Variants in CA13 observed in about 807,000 individuals in gnomAD.
CA13 encodes the protein CA-XIII.
In CA13, 21 loss-of-function variants were observed where a neutral mutation model predicts 31.5. The observed-to-expected ratio is 0.67, with a 90% CI of 0.47 to 0.96. CA13 has a LOEUF of 0.96. Ranked by LOEUF, CA13 falls within the 40% of genes least tolerant of loss-of-function variation. The pLI is 0.00. For synonymous variants in CA13, 117 were observed against 111.4 expected, an observed-to-expected ratio of 1.05 and a Z score of -0.32; for missense variants, 315 against 318.9, an observed-to-expected ratio of 0.99 and a Z score of 0.09.
intron 2 of CA13, among the ~76,000 whole-genome samples, chr8:85,253,003 T>C (rs754922728): frequency 1.3e-4 from 19 of 151,774 alleles, no homozygotes; most frequent in Non-Finnish European, 2.4e-4. Flanking sequence ...TGGAGTGCAA[T>C]GGCACAGTCT....
At chr8:85,261,362 A>G (rs1415401466) in intron 3 of CA13, among the ~76,000 whole-genome samples, 2 of 152,186 alleles carry the variant, frequency 1.3e-5, no homozygotes, top group African/African-American at 4.8e-5. Flanking sequence ...AATCAGAAGC[A>G]TCTTGGAATT....
At chr8:85,258,759 C>CAA (rs33933991) in intron 2 of CA13, among the ~76,000 whole-genome samples, 23,300 of 43,512 alleles carry the variant, frequency 0.54, 8,533 homozygotes, top group Non-Finnish European at 0.61. Context: ...CCTGTCTCTA[C>CAA]AAAAAAAAAA....
chr8:85,264,465 T>C (rs1807428839), intron 3 of CA13, among the ~76,000 whole-genome samples: 1 of 152,164 alleles, frequency 6.6e-6, no homozygotes, highest in African/African-American at 2.4e-5. Context: ...AATTAAAATA[T>C]AAATGCTAAT....
At position 85,245,597 on chromosome 8, in the gene CA13, AAG is replaced by A; in HGVS notation, c.-226_-225del. The A allele has an allele frequency of 1.8e-6, 1 of 565,606 alleles. No homozygotes were observed. The highest frequency in any genetic ancestry group is 2.1e-5 in the South Asian group (1 of 48,480). The allele number at this position is 565,606 out of a possible 1,614,324, so 35.0% of individuals were successfully genotyped here. On this transcript the variant is annotated 5_prime_UTR_variant, in exon 1 of 7. Transcript: ENST00000321764. ...AATCTCTCATTCCCGAGTCCAAACT[AAG>A]AGAGACTCGCGCCCCAGGAGTCAGC... is the stretch of plus-strand genomic sequence containing the variant.
In CA13 at chr8:85,245,819, C is replaced by T. The variant is rs771516314; in HGVS notation, c.-10C>T. 1.2e-6 allele frequency: 2 copies of T among 1,614,122 alleles called. No individual in the cohort carries two copies. The highest frequency in any genetic ancestry group is 1.1e-5 in the South Asian group (1 of 91,082). ...GTCACATCTTTCTCTTCCTTCCACC[C>T]CGAGGGACCATGTCGAGGCTCAGCT... On this transcript the variant is annotated 5_prime_UTR_variant, in exon 1 of 7. Transcript: ENST00000321764.
rs370885820 is a variant in CA13, at chr8:85,250,642, G to A, written c.38-98G>A. ...AGAATCTCATTTTATTAATCTTTGC[G>A]TTTTCTTCAATTTCAAGCACAGTGT... On this transcript the variant is annotated intron_variant, in intron 1 of 6. Transcript: ENST00000321764. The A allele has an allele frequency of 3.2e-4, 231 of 731,064 alleles. 2 individuals are homozygous for A. The highest frequency in any genetic ancestry group is 3.0e-3 in the Middle Eastern group (9 of 3,016). 45.3% of individuals were successfully genotyped at this position (731,064 alleles called of 1,614,324 possible).
chr8:85,276,577 T>A (rs1439504759), intron 6 of CA13, among the ~76,000 whole-genome samples: 2 of 152,210 alleles, frequency 1.3e-5, no homozygotes, highest in East Asian at 3.9e-4. Context: ...AGCTCAAGGT[T>A]TGTAAACACA....
chr8:85,276,735 G>A (rs538945452), intron 6 of CA13, among the ~76,000 whole-genome samples: 1 of 152,152 alleles, frequency 6.6e-6, no homozygotes, highest in Admixed American at 6.5e-5. Flanking sequence ...CTAGCTCAAG[G>A]TTTGTAAACA....
intron 6 of CA13, among the ~76,000 whole-genome samples, chr8:85,272,351 G>A (rs1382738830): frequency 6.6e-6 from 1 of 152,008 alleles, no homozygotes; most frequent in African/African-American, 2.4e-5. Context: ...TGCCTCCCAG[G>A]TTCAAGTGAT....
intron 3 of CA13, among the ~76,000 whole-genome samples, chr8:85,265,441 T>C (rs1290482920): frequency 6.6e-6 from 1 of 152,246 alleles, no homozygotes; most frequent in Non-Finnish European, 1.5e-5. Context: ...CTTGCAATGG[T>C]AAAACATTTA....
At chr8:85,257,717 A>C (rs1564001217) in intron 2 of CA13, among the ~76,000 whole-genome samples, 1 of 149,920 alleles carries the variant, frequency 6.7e-6, no homozygotes, top group East Asian at 1.9e-4. Flanking sequence ...AAAAAAAAAA[A>C]CAAAAACGAA....
intron 2 of CA13, among the ~76,000 whole-genome samples, chr8:85,253,211 C>T (rs1359673739): frequency 2.6e-5 from 4 of 152,092 alleles, no homozygotes; most frequent in East Asian, 1.9e-4. Flanking sequence ...TCCCAAAGTG[C>T]TGGGATTACA....
At chr8:85,280,936 A>T (rs1807694508) in intron 6 of CA13, among the ~76,000 whole-genome samples, 1 of 152,224 alleles carries the variant, frequency 6.6e-6, no homozygotes, top group Non-Finnish European at 1.5e-5. Context: ...ATTGAAAAAC[A>T]TTCTCTGATT....
In CA13 at chr8:85,267,329, G is replaced by A. The variant is rs1296718332; in HGVS notation, c.451-573G>A. ...TTGGACACCAAGTAGGGGTGGTTGC[G>A]GCAGGATCCGGGTGCTTTAAAACCT... On this transcript the variant is annotated intron_variant, in intron 4 of 6. Coordinates refer to ENST00000321764, the MANE Select transcript of CA13 (RefSeq NM_198584.3). 14 of 985,026 alleles carry A rather than the reference G, an allele frequency of 1.4e-5. No individual in the cohort carries two copies. In the East Asian group the frequency reaches 6.8e-4, roughly 48 times the overall value. 61.0% of individuals were successfully genotyped at this position (985,026 alleles called of 1,614,324 possible). A position where few individuals can be genotyped will look rare whatever the true frequency, so the allele number is the denominator to read the frequency against.
At chr8:85,257,705 C>A (rs527645560) in intron 2 of CA13, among the ~76,000 whole-genome samples, 34 of 142,566 alleles carry the variant, frequency 2.4e-4, no homozygotes, top group East Asian at 1.9e-3. Context: ...GACCTTGTCT[C>A]AAAAAAAAAA....
chr8:85,269,797 TG>T (rs796218818), intron 6 of CA13, among the ~76,000 whole-genome samples: 18 of 152,316 alleles, frequency 1.2e-4, no homozygotes, highest in African/African-American at 4.1e-4. Context: ...CTTGAACTCC[TG>T]GGCTCAAGCC....
intron 1 of CA13, among the ~76,000 whole-genome samples, chr8:85,248,177 G>A (rs1419356260): frequency 6.6e-6 from 1 of 152,140 alleles, no homozygotes; most frequent in Non-Finnish European, 1.5e-5. Context: ...AATTATGCTG[G>A]CTGGGCACGG....
chr8:85,253,499 A>T (rs1026541987), intron 2 of CA13, among the ~76,000 whole-genome samples: 5 of 152,010 alleles, frequency 3.3e-5, no homozygotes, highest in Non-Finnish European at 2.9e-5. Context: ...TACTGGGCTC[A>T]AGGGATCTGC....
intron 6 of CA13, among the ~76,000 whole-genome samples, chr8:85,270,351 G>A (rs1160806130): frequency 6.6e-6 from 1 of 151,920 alleles, no homozygotes; most frequent in Non-Finnish European, 1.5e-5. Context: ...CCTTCTGTTG[G>A]GTGTTTCTCC....
Sources: gnomAD v4.1 joint callset for allele counts (sites outside exome capture counted in the v4.1 genomes callset) on GRCh38, gnomAD v4.1.1 for gene constraint, MANE v1.5 for transcripts, NCBI Gene and HGNC (gene_info 2026-07-23, HGNC 2026-07-21) for gene names.